Variants in UBE2E3 observed in about 807,000 individuals in gnomAD.
The protein encoded by UBE2E3 is ubiquitin-conjugating enzyme E2 E3.
Under a neutral mutation model 23.6 loss-of-function variants are expected in UBE2E3, and 5 were observed. The observed-to-expected ratio is 0.21, with a 90% CI of 0.11 to 0.44. UBE2E3 has a LOEUF of 0.44. UBE2E3 is among the 20% of genes least tolerant of loss of function. The pLI, the probability that UBE2E3 is intolerant of heterozygous loss-of-function variation, is 0.99. For synonymous variants in UBE2E3, 78 were observed against 87.5 expected, an observed-to-expected ratio of 0.89 and a Z score of 0.60; for missense variants, 81 against 249.8, an observed-to-expected ratio of 0.32 and a Z score of 4.55.
At position 181,021,598 on chromosome 2, in the gene UBE2E3, C is replaced by CCCTT. The variant is rs1316418116; in HGVS notation, c.246-36083_246-36080dup. On this transcript the variant is annotated intron_variant, in intron 3 of 5. Transcript: ENST00000410062. ...TCCCTCCCTCCCTTCCTTCCTCCCT[C>CCCTT]CCTTCCTTCCTTCCTCCCTCTCTCC... Among the ~76,000 whole-genome samples the CCCTT allele has an allele frequency of 1.9e-4, 19 of 98,364 alleles. 1 individual carries two copies. The highest frequency in any genetic ancestry group is 3.3e-4 in the Non-Finnish European group (16 of 48,758). The allele number at this position is 98,364 out of a possible 152,430, so 64.5% of individuals were successfully genotyped here.
intron 3 of UBE2E3, among the ~76,000 whole-genome samples, chr2:181,038,776 G>A (rs183852141): frequency 6.6e-6 from 1 of 152,174 alleles, no homozygotes; most frequent in Non-Finnish European, 1.5e-5. Context: ...ATGGACAAAA[G>A]ATTTGAATAG....
intron 3 of UBE2E3, among the ~76,000 whole-genome samples, chr2:181,048,409 TAAATACTTTTTTTGATTC>T (rs1370789839): frequency 2.0e-5 from 3 of 152,166 alleles, no homozygotes; most frequent in Non-Finnish European, 4.4e-5. Flanking sequence ...TGTTAAAGCT[TAAATACTTTTTTTGATTC>T]AAAGTAAATT....
intron 3 of UBE2E3, among the ~76,000 whole-genome samples, chr2:181,017,415 G>T (rs749899589): frequency 2.0e-5 from 3 of 152,056 alleles, no homozygotes; most frequent in Non-Finnish European, 2.9e-5. Flanking sequence ...GGGGCATGAG[G>T]GGGGTGGAAA....
chr2:181,040,246 A>C (rs1686444341), intron 3 of UBE2E3, among the ~76,000 whole-genome samples: 1 of 152,236 alleles, frequency 6.6e-6, no homozygotes. Flanking sequence ...CCAGTTAAGC[A>C]ATTTTGATAC....
chr2:181,046,237 A>G (rs1206396384), intron 3 of UBE2E3, among the ~76,000 whole-genome samples: 3 of 152,184 alleles, frequency 2.0e-5, no homozygotes, highest in African/African-American at 7.2e-5. Context: ...ATAAGCAGGA[A>G]ATAGATTTAT....
intron 3 of UBE2E3, among the ~76,000 whole-genome samples, chr2:181,055,244 G>A (rs1468327917): frequency 6.6e-6 from 1 of 151,668 alleles, no homozygotes; most frequent in African/African-American, 2.4e-5. Flanking sequence ...GAGAAATAGA[G>A]ATTTTAAAAA....
At chr2:181,056,080 TTA>T (rs1491114420) in intron 3 of UBE2E3, among the ~76,000 whole-genome samples, 1 of 63,696 alleles carries the variant, frequency 1.6e-5, no homozygotes, top group East Asian at 7.6e-4. Context: ...AAGGAAATGC[TTA>T]AAAAAAAAAA....
intron 2 of UBE2E3, among the ~76,000 whole-genome samples, chr2:180,982,607 A>G (rs774014321): frequency 3.9e-5 from 6 of 152,184 alleles, no homozygotes; most frequent in Non-Finnish European, 5.9e-5. Flanking sequence ...TGACACTTCC[A>G]GAGATTAGCA....
chr2:181,033,283 T>G (rs1425225016), intron 3 of UBE2E3, among the ~76,000 whole-genome samples: 1 of 152,112 alleles, frequency 6.6e-6, no homozygotes. Flanking sequence ...CAAACTATAC[T>G]ACAAGGCTAC....
chr2:181,024,817 G>A (rs887554364), intron 3 of UBE2E3, among the ~76,000 whole-genome samples: 2 of 151,928 alleles, frequency 1.3e-5, no homozygotes, highest in Non-Finnish European at 2.9e-5. Flanking sequence ...CAGCATCACA[G>A]AAATGAAATA....
At chr2:180,982,665 A>G (rs537870338) in intron 2 of UBE2E3, among the ~76,000 whole-genome samples, 5 of 152,210 alleles carry the variant, frequency 3.3e-5, no homozygotes, top group African/African-American at 7.2e-5. Flanking sequence ...CATATTTGCT[A>G]GAAAATTTGC....
intron 3 of UBE2E3, among the ~76,000 whole-genome samples, chr2:181,038,800 G>T (rs188174348): frequency 3.3e-5 from 5 of 152,338 alleles, no homozygotes; most frequent in Non-Finnish European, 5.9e-5. Flanking sequence ...TGTTACTGAT[G>T]AAGCTGTATG....
chr2:181,026,132 T>C (rs1685874787), intron 3 of UBE2E3, among the ~76,000 whole-genome samples: 1 of 151,858 alleles, frequency 6.6e-6, no homozygotes, highest in Non-Finnish European at 1.5e-5. Context: ...ACTTAAATAG[T>C]TTTAAACAGC....
chr2:181,057,638 A>G, intron 3 of UBE2E3, 55 bp from the exon 4 acceptor site: 3 of 1,444,578 alleles, frequency 2.1e-6, no homozygotes, highest in Non-Finnish European at 2.9e-6. Context: ...GTTTTAGGAT[A>G]TTAACATTCA....
At chr2:180,994,995 A>G (rs997039475) in intron 3 of UBE2E3, among the ~76,000 whole-genome samples, 3 of 152,208 alleles carry the variant, frequency 2.0e-5, no homozygotes, top group Non-Finnish European at 4.4e-5. Flanking sequence ...GTATTACTGC[A>G]GTAATTTTGT....
chr2:180,987,484 A>T, intron 3 of UBE2E3: 4 of 1,416,824 alleles, frequency 2.8e-6, no homozygotes, highest in Non-Finnish European at 3.9e-6. Context: ...GTATGTTCAG[A>T]TTGAATCTAT....
chr2:180,991,977 AT>A (rs1684671608), intron 3 of UBE2E3, among the ~76,000 whole-genome samples: 1 of 152,214 alleles, frequency 6.6e-6, no homozygotes, highest in Non-Finnish European at 1.5e-5. Context: ...AACTGCACAG[AT>A]AGGTAGGGAC....
chr2:181,018,859 A>G (rs1165798636), intron 3 of UBE2E3, among the ~76,000 whole-genome samples: 1 of 152,116 alleles, frequency 6.6e-6, no homozygotes, highest in African/African-American at 2.4e-5. Flanking sequence ...CTCATAAACA[A>G]TTACCTGAGT....
intron 3 of UBE2E3, among the ~76,000 whole-genome samples, chr2:180,991,989 T>A (rs75188470): frequency 1.3e-5 from 2 of 152,224 alleles, no homozygotes; most frequent in South Asian, 4.1e-4. Flanking sequence ...AGGTAGGGAC[T>A]GCTCTGCTAC....
Sources: allele counts gnomAD v4.1 joint callset (sites outside exome capture counted in the v4.1 genomes callset), GRCh38; gene constraint gnomAD v4.1.1; transcripts MANE v1.5; gene names NCBI Gene and HGNC (gene_info 2026-07-23, HGNC 2026-07-21).